SLC8A2: variants seen among roughly 807,000 people sequenced by gnomAD.
SLC8A2 encodes the protein solute carrier family 8 member A2, also known as sodium/calcium exchanger 2.
A neutral mutation model predicts 70.2 loss-of-function variants in SLC8A2; 14 were observed. The observed-to-expected ratio is 0.20, with a 90% confidence interval of 0.13 to 0.31. The LOEUF is 0.31. Ranked by LOEUF, SLC8A2 falls within the 10% of genes least tolerant of loss-of-function variation. The pLI is 1.00. For synonymous variants in SLC8A2, 575 were observed against 594.3 expected (o/e 0.97, Z 0.47); for missense variants, 779 against 1,320.1 (o/e 0.59, Z 6.35).
chr19:47,438,599 C>G (rs1449586855), intron 6 of SLC8A2, among the ~76,000 whole-genome samples: 2 of 152,036 alleles, frequency 1.3e-5, no homozygotes, highest in Admixed American at 1.3e-4. Flanking sequence ...ACCCCTGACT[C>G]CAAGCCCAGC....
Position 47,466,433 on chromosome 19 carries a change from G to A in SLC8A2, c.-16-14C>T, listed in dbSNP as rs530056619. 2 of 963,264 alleles carry A rather than the reference G, an allele frequency of 2.1e-6. No individual in the cohort carries two copies. The highest frequency in any genetic ancestry group is 5.3e-5 in the East Asian group (2 of 37,758). 59.7% of individuals were successfully genotyped at this position (963,264 alleles called of 1,614,324 possible). Reference sequence around the variant, plus strand: ...GGTGGTGGGGTCCTATGGGGGAGGAGGAGGAGGTCTGGGTGAGGGAAGCAA... The same window carrying A: ...GGTGGTGGGGTCCTATGGGGGAGGAAGAGGAGGTCTGGGTGAGGGAAGCAA... On this transcript the variant is annotated splice_polypyrimidine_tract_variant and intron_variant, in intron 1 of 9. Coordinates refer to ENST00000236877, the MANE Select transcript of SLC8A2 (RefSeq NM_015063.3). The surrounding 1 kb of genome is among the most constrained non-coding windows in gnomAD (Gnocchi z 6.9).
At chr19:47,467,217 C>T (rs1445049158) in intron 1 of SLC8A2, among the ~76,000 whole-genome samples, 1 of 152,208 alleles carries the variant, frequency 6.6e-6, no homozygotes, top group Non-Finnish European at 1.5e-5. Context: ...TGCTGCTGCA[C>T]CCAGCACATG....
rs560871643 is a variant in SLC8A2 at position 47,470,538 on chromosome 19, C to A, written c.-17+1251G>T. On this transcript the variant is annotated intron_variant, in intron 1 of 9. Coordinates refer to ENST00000236877, the MANE Select transcript of SLC8A2 (RefSeq NM_015063.3). ...ACTGAGACAGTGTGAGGCTGGCACA[C>A]CAGGAAAGGGATGGAAGTGAGACTG... Among the ~76,000 whole-genome samples, 8 of 152,202 alleles carry A rather than the reference C, an allele frequency of 5.3e-5. No individual in the cohort carries two copies. In the South Asian group the frequency reaches 1.7e-3, roughly 32 times the overall value.
At position 47,447,599 on chromosome 19, in the gene SLC8A2, G is replaced by C. The variant is rs1044510458; in HGVS notation, c.1763+210C>G. 1 of 536,774 alleles carries C rather than the reference G, an allele frequency of 1.9e-6. No individual in the cohort carries two copies. Among genetic ancestry groups the C allele is most frequent in the South Asian group, 2.3e-5 (1 of 44,362 alleles). The allele number at this position is 536,774 out of a possible 1,614,324, so 33.3% of individuals were successfully genotyped here. ...CCCCTCTCCTCCTGAGGGCCCAGCTGTTCAGTGAAGCCCCGCCCACGTCGT... is the reference window on the plus strand; with the variant it reads ...CCCCTCTCCTCCTGAGGGCCCAGCTCTTCAGTGAAGCCCCGCCCACGTCGT... On this transcript the variant is annotated intron_variant, in intron 4 of 9. Coordinates refer to ENST00000236877, the MANE Select transcript of SLC8A2 (RefSeq NM_015063.3). The surrounding 1 kb of genome is among the most constrained non-coding windows in gnomAD (Gnocchi z 5.1).
At chr19:47,441,029 C>T in intron 6 of SLC8A2, 140 bp downstream of exon 6, 2 of 726,840 alleles carry the variant, frequency 2.8e-6, no homozygotes, top group East Asian at 2.6e-5. Flanking sequence ...CCACTGTCCC[C>T]CAGCCCTGAA....
At position 47,468,597 on chromosome 19, in the gene SLC8A2, C is replaced by A. The variant is rs1199587110; in HGVS notation, c.-16-2178G>T. ...GCCACCGTGCCCCGCCCACTCTTCC[C>A]CTCATATCCGCTAGCCTTGCTCTCT... On this transcript the variant is annotated intron_variant, in intron 1 of 9. Coordinates refer to ENST00000236877, the MANE Select transcript of SLC8A2 (RefSeq NM_015063.3). The surrounding 1 kb of genome is among the most constrained non-coding windows in gnomAD (Gnocchi z 5.1). Among the ~76,000 whole-genome samples, 1 of 152,194 alleles carries A rather than the reference C, an allele frequency of 6.6e-6. No homozygotes were observed. Among genetic ancestry groups the A allele is most frequent in the Non-Finnish European group, 1.5e-5 (1 of 68,030 alleles).
Position 47,451,521 on chromosome 19 carries a change from C to G in SLC8A2, c.1341-3290G>C, listed in dbSNP as rs545183790. On this transcript the variant is annotated intron_variant, in intron 3 of 9. Transcript: ENST00000236877. ...ATGGGGTTTTGCCATGTTGCCCAGG[C>G]TGGTCTTGAACTCCTGGGCTCAAGC... Among the ~76,000 whole-genome samples, 4 of 152,188 alleles carry G rather than the reference C, an allele frequency of 2.6e-5. No individual in the cohort carries two copies. In the East Asian group the frequency reaches 7.7e-4, roughly 29 times the overall value.
intron 2 of SLC8A2, among the ~76,000 whole-genome samples, chr19:47,464,670 C>T (rs1967435938): frequency 6.6e-6 from 1 of 152,142 alleles, no homozygotes; most frequent in South Asian, 2.1e-4. Flanking sequence ...CAGATCCTTC[C>T]TGGGAAGAAA....
chr19:47,458,480 CT>C (rs1967345569), intron 2 of SLC8A2, among the ~76,000 whole-genome samples: 1 of 133,640 alleles, frequency 7.5e-6, no homozygotes, highest in African/African-American at 2.8e-5. Context: ...TGTTCTGTCT[CT>C]GTTCATCTCT....
Position 47,461,167 on chromosome 19 carries a change from C to T in SLC8A2, c.676-3573G>A, listed in dbSNP as rs563963225. On this transcript the variant is annotated intron_variant, in intron 2 of 9. Coordinates refer to ENST00000236877, the MANE Select transcript of SLC8A2 (RefSeq NM_015063.3). ...ATCACCCCACTGCACTCCAGCCTGG[C>T]GACCGAGCGAGACTCTGTTTCAAAA... Among the ~76,000 whole-genome samples, 4 of 140,600 alleles carry T rather than the reference C, an allele frequency of 2.8e-5. No individual in the cohort carries two copies. The South Asian group carries it at 9.3e-4, about 33-fold the overall frequency. 92.2% of individuals were successfully genotyped at this position (140,600 alleles called of 152,430 possible). A position where few individuals can be genotyped will look rare whatever the true frequency, so the allele number is the denominator to read the frequency against.
chr19:47,470,864 G>T (rs1967528236), intron 1 of SLC8A2, among the ~76,000 whole-genome samples: 1 of 152,114 alleles, frequency 6.6e-6, no homozygotes, highest in African/African-American at 2.4e-5. Flanking sequence ...GAGAGCTGGG[G>T]TGGGTGCCGG....
At chr19:47,453,328 A>G (rs577935807) in intron 3 of SLC8A2, among the ~76,000 whole-genome samples, 225 of 152,334 alleles carry the variant, frequency 1.5e-3, no homozygotes, top group Non-Finnish European at 2.6e-3. Flanking sequence ...TTCCTCAGAT[A>G]TGGTGGTTTT....
rs759772299 is a variant in SLC8A2 at position 47,430,005 on chromosome 19, G to A, written c.*84C>T. The A allele has an allele frequency of 9.2e-6, 13 of 1,409,496 alleles. No homozygotes were observed. The highest frequency in any genetic ancestry group is 1.2e-5 in the Non-Finnish European group (13 of 1,053,618). 87.3% of individuals were successfully genotyped at this position (1,409,496 alleles called of 1,614,324 possible). On this transcript the variant is annotated 3_prime_UTR_variant, in exon 10 of 10. Coordinates refer to ENST00000236877, the MANE Select transcript of SLC8A2 (RefSeq NM_015063.3). The surrounding 1 kb of genome is among the most constrained non-coding windows in gnomAD (Gnocchi z 5.9). The stretch of plus-strand genomic sequence containing the variant: ...CAGGAGAGGAGGCCGAGTCTGGGGG[G>A]AAAAGGAGACCAGGGTCCAAGAGCA...
chr19:47,435,749 T>C (rs948774397), intron 8 of SLC8A2, among the ~76,000 whole-genome samples: 6 of 152,046 alleles, frequency 3.9e-5, no homozygotes, highest in Non-Finnish European at 8.8e-5. Context: ...GGTTTCTCCA[T>C]GTTGGTCAGG....
chr19:47,441,874 C>T (rs1207420862), intron 4 of SLC8A2, among the ~76,000 whole-genome samples: 3 of 152,138 alleles, frequency 2.0e-5, no homozygotes, highest in Non-Finnish European at 2.9e-5. Flanking sequence ...GAGGCCGAGG[C>T]GGGCGGATCA....
chr19:47,431,676 A>AAC (rs1555746482), intron 9 of SLC8A2, among the ~76,000 whole-genome samples: 10 of 113,612 alleles, frequency 8.8e-5, no homozygotes, highest in African/African-American at 2.8e-4. Flanking sequence ...AAAAAAAAAA[A>AAC]AAAACAAAAC....
rs536068187 is a variant in SLC8A2, at chr19:47,468,612, C to G, written c.-16-2193G>C. On this transcript the variant is annotated intron_variant, in intron 1 of 9. Transcript: ENST00000236877. The surrounding 1 kb of genome is among the most constrained non-coding windows in gnomAD (Gnocchi z 5.1). ...CCACTCTTCCCCTCATATCCGCTAG[C>G]CTTGCTCTCTCTGCCCTTTCAGGTT... is the stretch of plus-strand genomic sequence containing the variant. Among the ~76,000 whole-genome samples the G allele has an allele frequency of 9.0e-4, 137 of 152,296 alleles. No individual in the cohort carries two copies. The highest frequency in any genetic ancestry group is 1.2e-3 in the Non-Finnish European group (83 of 68,016).
At chr19:47,439,966 G>T (rs2441046) in intron 6 of SLC8A2, among the ~76,000 whole-genome samples, 15,544 of 152,170 alleles carry the variant, frequency 0.1, 867 homozygotes, top group Middle Eastern at 0.16. Flanking sequence ...GCCCAGTAAA[G>T]AAATAACTTT....
intron 1 of SLC8A2, among the ~76,000 whole-genome samples, chr19:47,470,867 G>A (rs1383079368): frequency 6.6e-6 from 1 of 152,094 alleles, no homozygotes; most frequent in African/African-American, 2.4e-5. Context: ...AGCTGGGGTG[G>A]GTGCCGGCTG....
Sources: gnomAD v4.1 joint callset for allele counts (sites outside exome capture counted in the v4.1 genomes callset) on GRCh38, gnomAD v4.1.1 for gene constraint, Gnocchi (gnomAD v3.1) non-coding constraint, MANE v1.5 for transcripts, NCBI Gene and HGNC (gene_info 2026-07-23, HGNC 2026-07-21) for gene names.